The following NOS1 variants were observed in gnomAD, a reference collection of about 807,000 sequenced individuals.
NOS1 encodes the protein NOS type I.
A neutral mutation model predicts 164.5 loss-of-function variants in NOS1; 51 were observed. That is an observed-to-expected ratio of 0.31 (90% CI 0.25 to 0.39). NOS1 has a LOEUF of 0.39. Ranked by LOEUF, NOS1 falls within the 10% of genes least tolerant of loss-of-function variation. NOS1 has a pLI of 1.00. For synonymous variants in NOS1, 719 were observed against 745.8 expected (o/e 0.96, Z 0.59); for missense variants, 1,362 against 1,885.6 (o/e 0.72, Z 5.14).
chr12:117,227,187 C>G (rs1218245368), intron 23 of NOS1, among the ~76,000 whole-genome samples: 2 of 152,094 alleles, frequency 1.3e-5, no homozygotes, highest in African/African-American at 4.8e-5. Flanking sequence ...CTAGTTGCTG[C>G]TTTGGGGATA....
rs1428522323 is a variant in NOS1 at position 117,232,051 on chromosome 12, T to C, written c.3316A>G (p.Thr1106Ala). ...FQAFKYYLDI[T>A]TPPTPLQLQQ... ...AGCTGCAGAGGCGTTGGTGGCGTGG[T>C]GATGTCCAGGTAGTACTTGAAGGCC... Residue 1106 changes from threonine (T) to alanine (A), a missense_variant, in exon 22 of 29, where the codon ACC becomes GCC. Physicochemically the swap from Thr to Ala is moderately conservative, Grantham distance 58. Coordinates refer to ENST00000317775, the MANE Select transcript of NOS1 (RefSeq NM_000620.5). The C allele has an allele frequency of 1.2e-6, 2 of 1,612,380 alleles. No individual in the cohort carries two copies. Among genetic ancestry groups the C allele is most frequent in the Non-Finnish European group, 1.7e-6 (2 of 1,179,972 alleles).
intron 1 of NOS1, among the ~76,000 whole-genome samples, chr12:117,344,256 A>C (rs1462884423): frequency 6.6e-6 from 1 of 152,254 alleles, no homozygotes; most frequent in African/African-American, 2.4e-5. Context: ...CTTTCTTCTT[A>C]GAATATGTTA....
chr12:117,285,394 A>G (rs911998017), intron 6 of NOS1, 62 bp from the exon 7 acceptor site: 26 of 1,137,546 alleles, frequency 2.3e-5, no homozygotes, highest in Middle Eastern at 4.7e-4. Context: ...CCCCCAGCGC[A>G]ATCTTCCCAT....
At chr12:117,248,183 TTC>T (rs1230462398) in intron 17 of NOS1, among the ~76,000 whole-genome samples, 1 of 119,922 alleles carries the variant, frequency 8.3e-6, no homozygotes, top group Non-Finnish European at 1.7e-5. Context: ...TAAATTTCTA[TTC>T]TTTTTTTTTT....
At chr12:117,259,987 T>C (rs816359) in intron 14 of NOS1, among the ~76,000 whole-genome samples, 72,588 of 151,318 alleles carry the variant, frequency 0.48, 18,093 homozygotes, top group East Asian at 0.62. Context: ...AACGTGGTGG[T>C]GGGCGCCTGC....
chr12:117,300,272 G>C (rs947616498), intron 3 of NOS1, among the ~76,000 whole-genome samples: 1 of 152,190 alleles, frequency 6.6e-6, no homozygotes, highest in African/African-American at 2.4e-5. Context: ...CAGTGAAGGA[G>C]CGTGCAGAGT....
At chr12:117,292,392 T>A (rs1018969726) in intron 3 of NOS1, among the ~76,000 whole-genome samples, 11 of 151,720 alleles carry the variant, frequency 7.3e-5, no homozygotes, top group Non-Finnish European at 7.4e-5. Flanking sequence ...TGTAAGGAGA[T>A]AAAATCAGAA....
rs990954371 is a variant in NOS1, at chr12:117,356,016, T to A, written c.-421+5496A>T. 6.6e-6 allele frequency among the ~76,000 whole-genome samples: 1 copy of A among 152,122 alleles called. No individual in the cohort carries two copies. Among genetic ancestry groups the A allele is most frequent in the African/African-American group, 2.4e-5 (1 of 41,412 alleles). ...ATCCTCCTGCCTCAGTCTCCCAAAG[T>A]GTTGGGATTACAGGCGTGAGCCACT... On this transcript the variant is annotated intron_variant, in intron 1 of 28. Coordinates refer to ENST00000317775, the MANE Select transcript of NOS1 (RefSeq NM_000620.5). This position sits in a 1 kb window ranked among gnomAD's most constrained non-coding sequence, Gnocchi z 4.2.
chr12:117,290,462 G>C (rs545501658), intron 3 of NOS1, 36 bp from the exon 4 acceptor site: 1 of 1,588,126 alleles, frequency 6.3e-7, no homozygotes, highest in South Asian at 1.2e-5. Context: ...ATGAGGCAGG[G>C]CCTTGAGTGG....
intron 8 of NOS1, among the ~76,000 whole-genome samples, chr12:117,280,062 G>A (rs1394552208): frequency 1.3e-5 from 2 of 152,198 alleles, no homozygotes; most frequent in Admixed American, 6.5e-5. Flanking sequence ...CACGGGATGT[G>A]CTTGTGCTGT....
chr12:117,273,283 C>A (rs552277073), intron 9 of NOS1, among the ~76,000 whole-genome samples: 1 of 152,270 alleles, frequency 6.6e-6, no homozygotes, highest in South Asian at 2.1e-4. Flanking sequence ...AGCACAATGC[C>A]TGGCATGCAT....
At chr12:117,237,912 G>C (rs957379949) in intron 20 of NOS1, among the ~76,000 whole-genome samples, 1 of 152,122 alleles carries the variant, frequency 6.6e-6, no homozygotes, top group African/African-American at 2.4e-5. Context: ...GTGATGGGTT[G>C]AGGGGAGCAG....
At chr12:117,229,570 AT>A (rs1183614311) in intron 22 of NOS1, among the ~76,000 whole-genome samples, 4 of 150,250 alleles carry the variant, frequency 2.7e-5, no homozygotes, top group African/African-American at 7.3e-5. Flanking sequence ...TCTTCTATCT[AT>A]CTATCTATCT....
Position 117,209,285 on chromosome 12 carries a change from C to T in NOS1, c.*6024G>A. 1.0e-6 allele frequency: 1 copy of T among 965,084 alleles called. No individual in the cohort carries two copies. The highest frequency in any genetic ancestry group is 1.2e-6 in the Non-Finnish European group (1 of 811,390). The allele number at this position is 965,084 out of a possible 1,614,324, so 59.8% of individuals were successfully genotyped here. ...CTTGATTGTTACCGTTGGCAGGACA[C>T]TGCTACAGGTATCTTGTGGATGGAG... On this transcript the variant is annotated 3_prime_UTR_variant, in exon 29 of 29. Coordinates refer to ENST00000317775, the MANE Select transcript of NOS1 (RefSeq NM_000620.5).
rs9658381 is a variant in NOS1, at chr12:117,272,087, C to T, written c.1839+298G>A. Among the ~76,000 whole-genome samples, 1,885 of 152,170 alleles carry T rather than the reference C, an allele frequency of 0.012. 18 individuals are homozygous for T. The highest frequency in any genetic ancestry group is 0.037 in the South Asian group (179 of 4,814). On this transcript the variant is annotated intron_variant, in intron 10 of 28. Transcript: ENST00000317775. This position sits in a 1 kb window ranked among gnomAD's most constrained non-coding sequence, Gnocchi z 4.3. Reference sequence around the variant, plus strand: ...GTGTGACCTTGAGCTTGTCATCTGTCGAAGGGGGATTCTCATACCTCAAGG... The same window carrying T: ...GTGTGACCTTGAGCTTGTCATCTGTTGAAGGGGGATTCTCATACCTCAAGG...
In NOS1 at chr12:117,339,135, C is replaced by T. The variant is rs1288493321; in HGVS notation, c.-420-7646G>A. 2.6e-5 allele frequency among the ~76,000 whole-genome samples: 4 copies of T among 152,170 alleles called. No individual in the cohort carries two copies. In the South Asian group the frequency reaches 6.2e-4, roughly 24 times the overall value. ...CAAGCTGAAGTGCTTTCTCCCATGC[C>T]GGTAAGTCATGGCGGCAAACCCACA... On this transcript the variant is annotated intron_variant, in intron 1 of 28. Transcript: ENST00000317775.
intron 1 of NOS1, among the ~76,000 whole-genome samples, chr12:117,354,486 TCTTA>T (rs1472382723): frequency 6.6e-6 from 1 of 152,230 alleles, no homozygotes; most frequent in Non-Finnish European, 1.5e-5. Context: ...CTTTCATTTT[TCTTA>T]CTGAGTATTC....
intron 1 of NOS1, among the ~76,000 whole-genome samples, chr12:117,347,528 C>T (rs576533714): frequency 6.6e-6 from 1 of 152,084 alleles, no homozygotes; most frequent in Non-Finnish European, 1.5e-5. Flanking sequence ...TTGTTTCTTG[C>T]AAATAAGTAT....
chr12:117,223,068 C>T (rs2271986), intron 25 of NOS1, among the ~76,000 whole-genome samples: 14,718 of 152,186 alleles, frequency 0.097, 1,137 homozygotes, highest in Admixed American at 0.28. Context: ...CACACACATA[C>T]ATATGCACGC....
Sources: allele counts gnomAD v4.1 joint callset (sites outside exome capture counted in the v4.1 genomes callset), GRCh38; gene constraint gnomAD v4.1.1; non-coding constraint Gnocchi (gnomAD v3.1); transcripts MANE v1.5; gene names NCBI Gene and HGNC (gene_info 2026-07-23, HGNC 2026-07-21).